GPSM2: variants seen among roughly 807,000 people sequenced by gnomAD.
GPSM2 encodes the protein G protein signaling modulator 2.
Under a neutral mutation model 78.4 loss-of-function variants are expected in GPSM2, and 58 were observed. The observed-to-expected ratio is 0.74, with a 90% CI of 0.60 to 0.92. GPSM2 has a LOEUF of 0.92. GPSM2 is among the 40% of genes least tolerant of loss of function. The pLI, the probability that GPSM2 is intolerant of heterozygous loss-of-function variation, is 0.00. For synonymous variants in GPSM2, 224 were observed against 280.2 expected (o/e 0.80, Z 2.00); for missense variants, 700 against 815.5 (o/e 0.86, Z 1.73).
At chr1:108,922,708 G>A in intron 13 of GPSM2, 132 bp downstream of exon 13, 1 of 842,632 alleles carries the variant, frequency 1.2e-6, no homozygotes, top group East Asian at 2.5e-5. Context: ...CTGAAATGCT[G>A]TTATTTATAC....
chr1:108,914,391 AAGT>A lies in GPSM2; in HGVS notation c.1247_1249del (p.Lys416_Leu417delinsIle). On this transcript the variant is annotated inframe_deletion, in exon 11 of 15. Transcript: ENST00000264126. ...TAGTATGGAAAATATGGAACTTATGAAGTTAACACCAGAAAAGGTGGGTGGCAG... is the reference window on the plus strand; with the variant it reads ...TAGTATGGAAAATATGGAACTTATGATAACACCAGAAAAGGTGGGTGGCAG... 1 of 1,610,386 alleles carries A rather than the reference AAGT, an allele frequency of 6.2e-7. No individual in the cohort carries two copies. The highest frequency in any genetic ancestry group is 1.3e-5 in the African/African-American group (1 of 74,970).
intron 11 of GPSM2, among the ~76,000 whole-genome samples, chr1:108,917,660 ATAT>A: frequency 1.3e-5 from 1 of 75,918 alleles, no homozygotes; most frequent in Non-Finnish European, 2.7e-5. Context: ...ATATATATAT[ATAT>A]ATAAATGAGT....
intron 10 of GPSM2, among the ~76,000 whole-genome samples, chr1:108,910,268 A>G (rs2101478676): frequency 6.6e-6 from 1 of 152,372 alleles, no homozygotes; most frequent in Non-Finnish European, 1.5e-5. Flanking sequence ...GGCTAAAATT[A>G]TAAAGAAATT....
chr1:108,910,758 G>C (rs1649668839), intron 10 of GPSM2, among the ~76,000 whole-genome samples: 1 of 151,912 alleles, frequency 6.6e-6, no homozygotes, highest in Non-Finnish European at 1.5e-5. Context: ...AGCTACTCAG[G>C]AGGCTGAGGC....
Position 108,931,431 on chromosome 1 carries a change from C to T in GPSM2, c.*1491C>T, listed in dbSNP as rs548005693. 85 of 1,550,856 alleles carry T rather than the reference C, an allele frequency of 5.5e-5. No homozygotes were observed. Among genetic ancestry groups the T allele is most frequent in the East Asian group, 2.0e-4 (8 of 40,922 alleles). On this transcript the variant is annotated 3_prime_UTR_variant, in exon 15 of 15. Coordinates refer to ENST00000264126, the MANE Select transcript of GPSM2 (RefSeq NM_013296.5). ...CTGGATCACAGACTGCAAAGGCCCA[C>T]GCTTGGAACAAGTTGCCAACTTGTT... is the stretch of plus-strand genomic sequence containing the variant.
intron 12 of GPSM2, among the ~76,000 whole-genome samples, chr1:108,919,299 C>T (rs995778658): frequency 6.6e-5 from 10 of 152,114 alleles, no homozygotes; most frequent in Non-Finnish European, 5.9e-5. Context: ...TGAGGCACTG[C>T]GCCTGGCCAA....
At chr1:108,918,848 T>C in intron 12 of GPSM2, 59 bp downstream of exon 12, 1 of 1,066,390 alleles carries the variant, frequency 9.4e-7, no homozygotes, top group Non-Finnish European at 1.5e-6. Flanking sequence ...TGGGTTTTCT[T>C]GTATTCATGC....
At chr1:108,897,414 C>T in intron 3 of GPSM2, 78 bp from the exon 4 acceptor site, 1 of 1,413,374 alleles carries the variant, frequency 7.1e-7, no homozygotes. Flanking sequence ...AAACTGTACT[C>T]TGGCTACTTT....
chr1:108,892,406 T>G (rs1648036570), intron 2 of GPSM2, among the ~76,000 whole-genome samples: 1 of 152,138 alleles, frequency 6.6e-6, no homozygotes. Context: ...AAAGAAAAAT[T>G]GAAATGACAT....
intron 13 of GPSM2, among the ~76,000 whole-genome samples, chr1:108,923,639 G>A (rs1384124096): frequency 6.6e-6 from 1 of 152,190 alleles, no homozygotes; most frequent in East Asian, 1.9e-4. Flanking sequence ...AAAAAACACT[G>A]TCCTACACAA....
chr1:108,880,836 C>T (rs1665858367), intron 1 of GPSM2, among the ~76,000 whole-genome samples: 1 of 103,046 alleles, frequency 9.7e-6, no homozygotes, highest in Admixed American at 9.2e-5. Flanking sequence ...AGAAACAGAC[C>T]AAAAACAAAC....
chr1:108,903,502 A>C (rs1261755434), intron 9 of GPSM2, among the ~76,000 whole-genome samples: 1 of 152,152 alleles, frequency 6.6e-6, no homozygotes, highest in African/African-American at 2.4e-5. Context: ...CTCTACCCGC[A>C]TCTCTACATG....
rs756201334 is a variant in GPSM2, at chr1:108,897,940, T to C, written c.415-19T>C. The C allele has an allele frequency of 3.7e-6, 6 of 1,612,258 alleles. No individual in the cohort carries two copies. In the South Asian group the frequency reaches 6.6e-5, roughly 18 times the overall value. On this transcript the variant is annotated intron_variant, in intron 4 of 14. Transcript: ENST00000264126. ...ACCTCTGTTTTCAAAATGTAAACTT[T>C]GCTGATGTCTTCATTTAGGTGGGAG...
rs996831103 is a variant in GPSM2 at position 108,918,144 on chromosome 1, C to T, written c.1264-469C>T. ...GATCTAGACCTTTATAAATTGGTTT[C>T]GCCTATTGAGAATTTAGTATGGTAT... On this transcript the variant is annotated intron_variant, in intron 11 of 14. Transcript: ENST00000264126. Among the ~76,000 whole-genome samples the T allele has an allele frequency of 2.6e-5, 4 of 151,996 alleles. No individual in the cohort carries two copies. In the East Asian group the frequency reaches 7.7e-4, roughly 29 times the overall value.
intron 2 of GPSM2, among the ~76,000 whole-genome samples, chr1:108,888,465 A>G (rs1228227615): frequency 6.6e-6 from 1 of 152,078 alleles, no homozygotes; most frequent in Non-Finnish European, 1.5e-5. Flanking sequence ...CTCCCACCTC[A>G]GCTTCCTGAG....
In GPSM2 at chr1:108,931,394, C is replaced by T; in HGVS notation, c.*1454C>T. 4 of 1,551,020 alleles carry T rather than the reference C, an allele frequency of 2.6e-6. No individual in the cohort carries two copies. Among genetic ancestry groups the T allele is most frequent in the Non-Finnish European group, 3.5e-6 (4 of 1,147,102 alleles). ...AAGACAAGTATGGGACAGACTGGGA[C>T]CTGGAGTAACACTGGATCACAGACT... On this transcript the variant is annotated 3_prime_UTR_variant, in exon 15 of 15. Coordinates refer to ENST00000264126, the MANE Select transcript of GPSM2 (RefSeq NM_013296.5).
chr1:108,929,478 C>A, intron 14 of GPSM2: 1 of 571,664 alleles, frequency 1.7e-6, no homozygotes, highest in South Asian at 2.1e-5. Context: ...CCTATATAAG[C>A]CATTTTAAAG....
intron 11 of GPSM2, among the ~76,000 whole-genome samples, chr1:108,917,654 ATATATATATAT>A: frequency 3.5e-5 from 2 of 56,916 alleles, no homozygotes; most frequent in African/African-American, 6.3e-5. Context: ...ATATATATAT[ATATATATATAT>A]AAATGAGTTC....
At chr1:108,903,805 G>T (rs1649013280) in intron 9 of GPSM2, among the ~76,000 whole-genome samples, 1 of 152,146 alleles carries the variant, frequency 6.6e-6, no homozygotes, top group Non-Finnish European at 1.5e-5. Context: ...CCAAGTTAAT[G>T]TGTCCAGGAT....
Sources: gnomAD v4.1 joint callset for allele counts (sites outside exome capture counted in the v4.1 genomes callset) on GRCh38, gnomAD v4.1.1 for gene constraint, MANE v1.5 for transcripts, NCBI Gene and HGNC (gene_info 2026-07-23, HGNC 2026-07-21) for gene names.